The following FAM184A variants were observed in gnomAD, a reference collection of about 807,000 sequenced individuals.
FAM184A encodes the protein protein FAM184A.
Under a neutral mutation model 143.8 loss-of-function variants are expected in FAM184A, and 99 were observed. That is an observed-to-expected ratio of 0.69 (90% CI 0.58 to 0.81). FAM184A has a LOEUF of 0.81. Among genes scored for constraint, FAM184A ranks in the 40% least tolerant of loss-of-function variants. FAM184A has a pLI of 0.00. For synonymous variants in FAM184A, 427 were observed against 446.4 expected (o/e 0.96, Z 0.55); for missense variants, 1,217 against 1,310.5 (o/e 0.93, Z 1.10).
intron 1 of FAM184A, among the ~76,000 whole-genome samples, chr6:119,133,603 G>T (rs1199355676): frequency 6.6e-6 from 1 of 151,962 alleles, no homozygotes; most frequent in East Asian, 1.9e-4. Flanking sequence ...GTTACCTGAG[G>T]TAGGCTGCCC....
chr6:119,089,667 G>T (rs1788320391), intron 1 of FAM184A, among the ~76,000 whole-genome samples: 2 of 152,110 alleles, frequency 1.3e-5, no homozygotes, highest in Admixed American at 6.6e-5. Flanking sequence ...TATCAATCAT[G>T]CTCCAACTCT....
At chr6:118,991,235 G>A (rs1021070234) in intron 9 of FAM184A, among the ~76,000 whole-genome samples, 2 of 151,074 alleles carry the variant, frequency 1.3e-5, no homozygotes, top group South Asian at 2.1e-4. Flanking sequence ...CGATCTCGGC[G>A]CACTGCAACC....
At chr6:118,980,415 A>G (rs1254173327) in intron 9 of FAM184A, 65 bp from the exon 10 acceptor site, 1 of 1,221,942 alleles carries the variant, frequency 8.2e-7, no homozygotes, top group African/African-American at 1.5e-5. Flanking sequence ...CTACCCAGCA[A>G]AGGGGGAAAA....
chr6:118,993,418 T>C (rs1468712414), intron 9 of FAM184A, among the ~76,000 whole-genome samples: 1 of 152,234 alleles, frequency 6.6e-6, no homozygotes, highest in Non-Finnish European at 1.5e-5. Context: ...GTTCTAAACC[T>C]CAGTTTAATC....
chr6:119,108,693 G>A (rs1218606391), intron 1 of FAM184A, among the ~76,000 whole-genome samples: 1 of 152,148 alleles, frequency 6.6e-6, no homozygotes, highest in Admixed American at 6.6e-5. Flanking sequence ...AGTCACCCAG[G>A]GATTGATGGA....
At chr6:119,109,295 A>C (rs1210181859) in intron 1 of FAM184A, among the ~76,000 whole-genome samples, 1 of 152,222 alleles carries the variant, frequency 6.6e-6, no homozygotes, top group Non-Finnish European at 1.5e-5. Flanking sequence ...ACAAATGTAG[A>C]AACCTGTTTA....
chr6:119,082,629 A>G (rs912907660), upstream of FAM184A, among the ~76,000 whole-genome samples: 1 of 152,232 alleles, frequency 6.6e-6, no homozygotes, highest in African/African-American at 2.4e-5. Flanking sequence ...TAGGACTCCA[A>G]AATAATCTCT....
upstream of FAM184A, among the ~76,000 whole-genome samples, chr6:119,082,118 G>A (rs1471716009): frequency 6.6e-6 from 1 of 152,092 alleles, no homozygotes; most frequent in African/African-American, 2.4e-5. Context: ...TAGGCCTGGG[G>A]GTGTAGCCCT....
chr6:119,036,020 C>A lies in FAM184A; in HGVS notation c.160-11207G>T, dbSNP rs76129917. ...TTCAAATATTTTACAGAGTTTGACT[C>A]TTTTCGTTGACACCATATTAATATA... On this transcript the variant is annotated intron_variant, in intron 1 of 17. Transcript: ENST00000338891. Among the ~76,000 whole-genome samples, 1,407 of 152,220 alleles carry A rather than the reference C, an allele frequency of 9.2e-3. 18 individuals are homozygous for A. Among genetic ancestry groups the A allele is most frequent in the African/African-American group, 0.032 (1,309 of 41,536 alleles).
chr6:119,100,466 A>C (rs551531720), intron 1 of FAM184A, among the ~76,000 whole-genome samples: 226 of 152,252 alleles, frequency 1.5e-3, no homozygotes, highest in Non-Finnish European at 2.7e-3. Context: ...TAACTCCCTG[A>C]GAGCTCTCAG....
intron 10 of FAM184A, 130 bp from the exon 11 acceptor site, chr6:118,979,648 A>C (rs1783958929): frequency 1.5e-6 from 1 of 679,968 alleles, no homozygotes; most frequent in Non-Finnish European, 2.4e-6. Flanking sequence ...TTTTCAAGAA[A>C]ACTAGACATA....
At chr6:118,972,505 A>G (rs1039227922) in intron 14 of FAM184A, among the ~76,000 whole-genome samples, 11 of 152,158 alleles carry the variant, frequency 7.2e-5, no homozygotes, top group Admixed American at 6.5e-4. Flanking sequence ...AAGAAACATA[A>G]TTGGTTAGCA....
At chr6:119,085,400 C>T (rs1788193149) in intron 1 of FAM184A, among the ~76,000 whole-genome samples, 1 of 152,216 alleles carries the variant, frequency 6.6e-6, no homozygotes, top group South Asian at 2.1e-4. Context: ...TTTGCTAAGG[C>T]ATAACAAAAG....
intron 14 of FAM184A, among the ~76,000 whole-genome samples, chr6:118,969,992 T>TAA (rs1469300015): frequency 8.0e-4 from 12 of 15,004 alleles, no homozygotes; most frequent in African/African-American, 2.6e-3. Flanking sequence ...TATATATATA[T>TAA]AATATATATA....
At chr6:119,034,033 TATATATATAGAGAGAGAG>T (rs1311373172) in intron 1 of FAM184A, among the ~76,000 whole-genome samples, 34 of 25,232 alleles carry the variant, frequency 1.3e-3, no homozygotes, top group African/African-American at 3.2e-3. Flanking sequence ...TATATATATA[TATATATATAGAGAGAGAG>T]AGAGAGAGAG....
At position 119,065,426 on chromosome 6, in the gene FAM184A, C is replaced by T. The variant is rs185986140; in HGVS notation, c.159+12715G>A. Among the ~76,000 whole-genome samples the T allele has an allele frequency of 5.9e-5, 9 of 152,312 alleles. No individual in the cohort carries two copies. In the East Asian group the frequency reaches 1.7e-3, roughly 29 times the overall value. The stretch of plus-strand genomic sequence containing the variant: ...AGAACCACTCAGTTAAGTGACTCCT[C>T]GATTTCTGAATCTCAAAGTGTCAGA... On this transcript the variant is annotated intron_variant, in intron 1 of 17. Transcript: ENST00000338891.
intron 1 of FAM184A, among the ~76,000 whole-genome samples, chr6:119,032,260 ACT>A (rs1554270064): frequency 5.9e-5 from 9 of 151,564 alleles, no homozygotes; most frequent in Non-Finnish European, 2.9e-5. Context: ...CAACAAAGTA[ACT>A]CTGTCTCAAA....
rs1162209076 is a variant in FAM184A at position 119,024,491 on chromosome 6, A to C, written c.482T>G (p.Ile161Ser). 6.2e-7 allele frequency: 1 copy of C among 1,613,478 alleles called. No individual in the cohort carries two copies. Among genetic ancestry groups the C allele is most frequent in the Non-Finnish European group, 8.5e-7 (1 of 1,179,824 alleles). ...IVTMSREVEEIRRKFEEKLRS... is the reference protein window; with the variant it reads ...IVTMSREVEESRRKFEEKLRS... ...TAATTTTTCTTCAAATTTCCTTCTA[A>C]TCTCTTCGACTTCTCTAGACATGGT... is the stretch of plus-strand genomic sequence containing the variant. Residue 161 changes from isoleucine to serine, a missense_variant, in exon 2 of 18, where the codon ATT becomes AGT. Transcript: ENST00000338891.
chr6:119,017,265 G>A (rs973990977), intron 4 of FAM184A, among the ~76,000 whole-genome samples: 12 of 152,192 alleles, frequency 7.9e-5, no homozygotes, highest in Non-Finnish European at 1.2e-4. Flanking sequence ...TTGGGAGGCC[G>A]AGGCGGGTGG....
Sources: allele counts gnomAD v4.1 joint callset (sites outside exome capture counted in the v4.1 genomes callset), GRCh38; gene constraint gnomAD v4.1.1; transcripts MANE v1.5; gene names NCBI Gene and HGNC (gene_info 2026-07-23, HGNC 2026-07-21).